GALNT17: variants seen among roughly 807,000 people sequenced by gnomAD.
The protein encoded by GALNT17 is polypeptide N-acetylgalactosaminyltransferase 17.
Under a neutral mutation model 63.7 loss-of-function variants are expected in GALNT17, and 29 were observed. The ratio of observed to expected loss-of-function variants is 0.46; its 90% CI spans 0.34 to 0.62. The LOEUF (loss-of-function observed/expected upper bound fraction) is 0.62. Among genes scored for constraint, GALNT17 ranks in the 20% least tolerant of loss-of-function variants. The pLI, the probability that GALNT17 is intolerant of heterozygous loss-of-function variation, is 0.01. For missense variants in GALNT17, 603 were observed against 799.6 expected (o/e 0.75, Z 2.97); for synonymous variants, 305 against 318.3 (o/e 0.96, Z 0.45).
At chr7:71,467,214 A>T (rs1787551336) in intron 5 of GALNT17, among the ~76,000 whole-genome samples, 2 of 152,180 alleles carry the variant, frequency 1.3e-5, no homozygotes, top group East Asian at 3.9e-4. Flanking sequence ...TCTTGGAGAC[A>T]CAGCAGTCGT....
At chr7:71,276,000 G>A (rs1009025998) in intron 1 of GALNT17, among the ~76,000 whole-genome samples, 4 of 152,210 alleles carry the variant, frequency 2.6e-5, no homozygotes, top group African/African-American at 7.2e-5. Flanking sequence ...TTTCTTCATA[G>A]CACTTATTAT....
chr7:71,573,077 TG>T (rs1300333155), intron 6 of GALNT17, among the ~76,000 whole-genome samples: 1 of 151,826 alleles, frequency 6.6e-6, no homozygotes, highest in Non-Finnish European at 1.5e-5. Context: ...GGTGTGATCT[TG>T]GCTCACCGCA....
chr7:71,346,478 A>C (rs1425473792), intron 2 of GALNT17, among the ~76,000 whole-genome samples: 2 of 152,032 alleles, frequency 1.3e-5, no homozygotes, highest in Non-Finnish European at 2.9e-5. Context: ...TGAAATAGCT[A>C]TTCCCATCCC....
intron 9 of GALNT17, among the ~76,000 whole-genome samples, chr7:71,700,773 G>A (rs1791619837): frequency 6.6e-6 from 1 of 152,094 alleles, no homozygotes; most frequent in Non-Finnish European, 1.5e-5. Context: ...TTTGGATGGG[G>A]ACTCATCCTA....
At chr7:71,155,329 A>C (rs1484433360) in intron 1 of GALNT17, among the ~76,000 whole-genome samples, 1 of 151,600 alleles carries the variant, frequency 6.6e-6, no homozygotes, top group Non-Finnish European at 1.5e-5. Context: ...GCTGGAGTGC[A>C]GTGGCATGAT....
At chr7:71,170,625 T>G (rs1429045302) in intron 1 of GALNT17, among the ~76,000 whole-genome samples, 1 of 152,086 alleles carries the variant, frequency 6.6e-6, no homozygotes, top group Non-Finnish European at 1.5e-5. Context: ...CATGAGTCAC[T>G]GCACCTGGCC....
chr7:71,490,856 C>T (rs1390109167), intron 5 of GALNT17, among the ~76,000 whole-genome samples: 2 of 152,062 alleles, frequency 1.3e-5, no homozygotes, highest in African/African-American at 4.8e-5. Context: ...GCTATGATCG[C>T]ACCACTGCAC....
At chr7:71,701,894 TAC>T (rs1165951372) in intron 9 of GALNT17, among the ~76,000 whole-genome samples, 1 of 121,018 alleles carries the variant, frequency 8.3e-6, no homozygotes, top group African/African-American at 3.5e-5. Flanking sequence ...TATATATATA[TAC>T]ACATATATAT....
intron 5 of GALNT17, among the ~76,000 whole-genome samples, chr7:71,557,748 G>T (rs537500208): frequency 6.1e-4 from 93 of 152,058 alleles, no homozygotes; most frequent in Middle Eastern, 6.8e-3. Flanking sequence ...CCGAGATCGC[G>T]CCACTGCACT....
chr7:71,658,059 C>T (rs900190002), intron 6 of GALNT17, among the ~76,000 whole-genome samples: 1 of 152,014 alleles, frequency 6.6e-6, no homozygotes, highest in Non-Finnish European at 1.5e-5. Context: ...CATGTGCCAC[C>T]ACACCTGGCT....
chr7:71,406,736 G>GT (rs1793335416), intron 3 of GALNT17, among the ~76,000 whole-genome samples: 3 of 102,064 alleles, frequency 2.9e-5, no homozygotes, highest in Non-Finnish European at 4.6e-5. Context: ...ATTTCCAGGT[G>GT]GTTTTTTTTT....
intron 1 of GALNT17, among the ~76,000 whole-genome samples, chr7:71,255,357 A>G (rs1264924255): frequency 1.3e-5 from 2 of 152,170 alleles, no homozygotes; most frequent in African/African-American, 2.4e-5. Context: ...GTCTGCCACC[A>G]TGTGTGAGAT....
chr7:71,485,966 A>G (rs1787901581), intron 5 of GALNT17, among the ~76,000 whole-genome samples: 1 of 152,146 alleles, frequency 6.6e-6, no homozygotes, highest in Non-Finnish European at 1.5e-5. Context: ...CCCAGATTTT[A>G]TGTTATTCAA....
intron 5 of GALNT17, among the ~76,000 whole-genome samples, chr7:71,481,556 A>G (rs1787817833): frequency 6.6e-6 from 1 of 152,118 alleles, no homozygotes; most frequent in African/African-American, 2.4e-5. Context: ...TTTCCAGTAG[A>G]GTGGACTGCA....
intron 3 of GALNT17, among the ~76,000 whole-genome samples, chr7:71,390,380 G>A (rs1283043904): frequency 2.0e-5 from 3 of 152,138 alleles, no homozygotes; most frequent in African/African-American, 7.2e-5. Flanking sequence ...GTGCACCTGG[G>A]CCCAGTGGTT....
rs147845051 is a variant in GALNT17 at position 71,669,548 on chromosome 7, G to A, written c.1267-424G>A. Among the ~76,000 whole-genome samples the A allele has an allele frequency of 5.4e-5, 8 of 147,798 alleles. No homozygotes were observed. In the East Asian group the frequency reaches 1.2e-3, roughly 23 times the overall value. Reference sequence around the variant, plus strand: ...CAAACACCCTTCTGAATAAGCATACGAGGCTTAAGATCTTTTTTTTTTTTT... The same window carrying A: ...CAAACACCCTTCTGAATAAGCATACAAGGCTTAAGATCTTTTTTTTTTTTT... On this transcript the variant is annotated intron_variant, in intron 7 of 10. Transcript: ENST00000333538.
At chr7:71,461,884 A>G (rs1021592521) in intron 5 of GALNT17, among the ~76,000 whole-genome samples, 6 of 152,158 alleles carry the variant, frequency 3.9e-5, no homozygotes, top group African/African-American at 1.2e-4. Context: ...ATTGCTATCA[A>G]CTTGCTGTGC....
chr7:71,458,116 G>A (rs1269520037), intron 5 of GALNT17, among the ~76,000 whole-genome samples: 1 of 152,098 alleles, frequency 6.6e-6, no homozygotes, highest in Non-Finnish European at 1.5e-5. Flanking sequence ...CTGCTGCCAG[G>A]GCTCAGGCAG....
chr7:71,228,023 G>T (rs987564484), intron 1 of GALNT17, among the ~76,000 whole-genome samples: 2 of 152,134 alleles, frequency 1.3e-5, no homozygotes, highest in African/African-American at 4.8e-5. Flanking sequence ...GGAGACAGTG[G>T]CCTGAGAGGA....
Sources: allele counts gnomAD v4.1 joint callset (sites outside exome capture counted in the v4.1 genomes callset), GRCh38; gene constraint gnomAD v4.1.1; transcripts MANE v1.5; gene names NCBI Gene and HGNC (gene_info 2026-07-23, HGNC 2026-07-21).